The following SGCD variants were observed in gnomAD, a reference collection of about 807,000 sequenced individuals.
SGCD encodes delta-sarcoglycan.
A neutral mutation model predicts 36.6 loss-of-function variants in SGCD; 18 were observed. The observed-to-expected ratio is 0.49, with a 90% confidence interval of 0.34 to 0.73. The LOEUF (loss-of-function observed/expected upper bound fraction) is 0.73, where lower values mean the gene tolerates loss of function less well. Among genes scored for constraint, SGCD ranks in the 30% least tolerant of loss-of-function variants. The pLI, the probability that SGCD is intolerant of heterozygous loss-of-function variation, is 0.01. For missense variants in SGCD, 387 were observed against 346.7 expected, an observed-to-expected ratio of 1.12 and a Z score of -0.92; for synonymous variants, 133 against 130.6, an observed-to-expected ratio of 1.02 and a Z score of -0.12.
rs553862692 is a variant in SGCD, at chr5:155,980,413, G to A, written c.-282+109989G>A. Among the ~76,000 whole-genome samples the A allele has an allele frequency of 1.2e-3, 177 of 151,372 alleles. 2 individuals are homozygous for A. Among genetic ancestry groups the A allele is most frequent in the African/African-American group, 3.8e-3 (157 of 41,246 alleles). On this transcript the variant is annotated intron_variant, in intron 1 of 9. Transcript: ENST00000517913. ...ATCCTGGCTAACACGGTGAAACCCC[G>A]TCTCTACTAAAAATACAAAACAAAT... is the stretch of plus-strand genomic sequence containing the variant.
chr5:155,868,035 A>T (rs1294611785), upstream of SGCD, among the ~76,000 whole-genome samples: 1 of 152,054 alleles, frequency 6.6e-6, no homozygotes, highest in South Asian at 2.1e-4. Flanking sequence ...TAAGTTGCAG[A>T]GTATGAGAAC....
chr5:156,061,878 G>A (rs1760217434), intron 1 of SGCD, among the ~76,000 whole-genome samples: 1 of 140,336 alleles, frequency 7.1e-6, no homozygotes, highest in African/African-American at 2.5e-5. Flanking sequence ...CATTGAGATT[G>A]GCAGGTAAAA....
the SGCD span, among the ~76,000 whole-genome samples, chr5:155,840,681 A>G: frequency 6.6e-6 from 1 of 151,446 alleles, no homozygotes; most frequent in Non-Finnish European, 1.5e-5. Flanking sequence ...AATTTTCCAA[A>G]GATCTCTGGC....
rs528659368 is a variant in SGCD, at chr5:156,767,290, C to T, written c.*7900C>T. On this transcript the variant is annotated 3_prime_UTR_variant, in exon 9 of 9. Coordinates refer to ENST00000337851, the MANE Select transcript of SGCD (RefSeq NM_000337.6). Reference sequence around the variant, plus strand: ...AAAGTTTTTCATGTATCAACCACCTCCCCCAGTCAGGTTTCTCCCTTTTTG... The same window carrying T: ...AAAGTTTTTCATGTATCAACCACCTTCCCCAGTCAGGTTTCTCCCTTTTTG... The T allele has an allele frequency of 6.6e-6, 1 of 152,018 alleles. No individual in the cohort carries two copies. The highest frequency in any genetic ancestry group is 6.5e-5 in the Admixed American group (1 of 15,268). 9.4% of individuals were successfully genotyped at this position (152,018 alleles called of 1,614,324 possible).
chr5:156,484,559 T>C (rs1343076384), intron 3 of SGCD, among the ~76,000 whole-genome samples: 1 of 152,220 alleles, frequency 6.6e-6, no homozygotes, highest in African/African-American at 2.4e-5. Flanking sequence ...GTATCTTAAT[T>C]ATATAATTGC....
intron 1 of SGCD, among the ~76,000 whole-genome samples, chr5:156,062,054 G>A (rs1451920651): frequency 1.2e-5 from 1 of 86,352 alleles, no homozygotes; most frequent in East Asian, 2.6e-4. Flanking sequence ...CTAGCATTAG[G>A]TATATCTCCC....
chr5:155,894,949 T>C (rs1198247961), intron 1 of SGCD, among the ~76,000 whole-genome samples: 1 of 152,180 alleles, frequency 6.6e-6, no homozygotes, highest in Admixed American at 6.6e-5. Flanking sequence ...AAAAATTGCC[T>C]TCTATGAAAC....
intron 7 of SGCD, among the ~76,000 whole-genome samples, chr5:156,649,015 A>G (rs888592296): frequency 2.0e-5 from 3 of 152,184 alleles, no homozygotes; most frequent in Admixed American, 6.5e-5. Flanking sequence ...AGTGCTGTCT[A>G]AAAGAAGCAG....
At chr5:155,989,530 C>T (rs1358377523) in intron 1 of SGCD, among the ~76,000 whole-genome samples, 4 of 152,042 alleles carry the variant, frequency 2.6e-5, no homozygotes, top group Non-Finnish European at 5.9e-5. Context: ...TATTCGCTCT[C>T]TCACCTCTCA....
At chr5:156,716,755 G>C (rs1216019430) in intron 7 of SGCD, among the ~76,000 whole-genome samples, 1 of 152,072 alleles carries the variant, frequency 6.6e-6, no homozygotes, top group Non-Finnish European at 1.5e-5. Flanking sequence ...TTGTCTCTGA[G>C]ACAGCGTGTC....
chr5:156,608,891 T>G (rs545200912), intron 6 of SGCD, among the ~76,000 whole-genome samples: 3 of 152,180 alleles, frequency 2.0e-5, no homozygotes, highest in East Asian at 1.9e-4. Flanking sequence ...GTTTTCCATT[T>G]GCTTGGTAGA....
intron 2 of SGCD, among the ~76,000 whole-genome samples, chr5:156,336,343 C>T (rs1012602267): frequency 1.3e-5 from 2 of 152,218 alleles, no homozygotes; most frequent in Non-Finnish European, 2.9e-5. Flanking sequence ...AACTCCTTAA[C>T]ACCTCAGCAC....
At chr5:156,571,530 C>A (rs554647939) in intron 4 of SGCD, among the ~76,000 whole-genome samples, 5 of 152,092 alleles carry the variant, frequency 3.3e-5, no homozygotes, top group Admixed American at 6.6e-5. Flanking sequence ...TCTCTCTCCC[C>A]CTGAATGTAT....
chr5:156,409,328 C>A (rs917101347), intron 3 of SGCD, among the ~76,000 whole-genome samples: 1 of 152,094 alleles, frequency 6.6e-6, no homozygotes, highest in South Asian at 2.1e-4. Context: ...AATGGTCAAA[C>A]TTCTCTGTTT....
intron 3 of SGCD, among the ~76,000 whole-genome samples, chr5:156,286,225 G>C (rs1355848623): frequency 6.6e-6 from 1 of 152,178 alleles, no homozygotes. Context: ...TACTGTTGAT[G>C]GGACTGTAAA....
intron 3 of SGCD, among the ~76,000 whole-genome samples, chr5:156,125,201 C>A (rs1183926232): frequency 6.6e-6 from 1 of 152,158 alleles, no homozygotes; most frequent in East Asian, 1.9e-4. Flanking sequence ...TCCTTCATAA[C>A]CCAAAGGTTT....
intron 3 of SGCD, among the ~76,000 whole-genome samples, chr5:156,432,923 G>A (rs1054013238): frequency 2.0e-5 from 3 of 152,246 alleles, no homozygotes; most frequent in Admixed American, 6.5e-5. Context: ...TTCAGACCAC[G>A]CTCCTTCCTA....
chr5:156,526,742 AT>A (rs141201226), intron 4 of SGCD, among the ~76,000 whole-genome samples: 3 of 151,976 alleles, frequency 2.0e-5, no homozygotes, highest in African/African-American at 7.3e-5. Flanking sequence ...AGCTGCTTAC[AT>A]TTTTTTTAAA....
chr5:156,443,578 GC>G (rs1462152700), intron 3 of SGCD, among the ~76,000 whole-genome samples: 1 of 152,076 alleles, frequency 6.6e-6, no homozygotes. Flanking sequence ...TTTTATTCCA[GC>G]CTGGGTCACT....
Sources: allele counts gnomAD v4.1 joint callset (sites outside exome capture counted in the v4.1 genomes callset), GRCh38; gene constraint gnomAD v4.1.1; transcripts MANE v1.5; gene names NCBI Gene and HGNC (gene_info 2026-07-23, HGNC 2026-07-21).